NACC2: variants seen among roughly 807,000 people sequenced by gnomAD.
The protein encoded by NACC2 is nucleus accumbens-associated protein 2.
Under a neutral mutation model 25.1 loss-of-function variants are expected in NACC2, and 8 were observed. The observed-to-expected ratio is 0.32, with a 90% confidence interval of 0.19 to 0.57. The LOEUF (loss-of-function observed/expected upper bound fraction) is 0.57, where lower values mean the gene tolerates loss of function less well. Among genes scored for constraint, NACC2 ranks in the 20% least tolerant of loss-of-function variants. The pLI, the probability that NACC2 is intolerant of heterozygous loss-of-function variation, is 0.89. For synonymous variants in NACC2, 435 were observed against 294.7 expected (o/e 1.48, Z -4.88); for missense variants, 644 against 650.2 (o/e 0.99, Z 0.10).
At chr9:136,057,661 C>G (rs1354661028) in intron 1 of NACC2, among the ~76,000 whole-genome samples, 1 of 152,266 alleles carries the variant, frequency 6.6e-6, no homozygotes. Flanking sequence ...CCTCCTCCCC[C>G]AGGGCTGCAG....
chr9:136,047,899 C>T (rs1840753831), intron 2 of NACC2, among the ~76,000 whole-genome samples: 1 of 152,184 alleles, frequency 6.6e-6, no homozygotes, highest in Non-Finnish European at 1.5e-5. Context: ...TCCCAGCAAA[C>T]CCGACACCCA....
chr9:136,093,073 C>T (rs1054939928), intron 1 of NACC2, among the ~76,000 whole-genome samples: 3 of 152,168 alleles, frequency 2.0e-5, no homozygotes, highest in Non-Finnish European at 2.9e-5. Flanking sequence ...AGGTCAGAGG[C>T]ACAGACCTCA....
intron 1 of NACC2, among the ~76,000 whole-genome samples, chr9:136,090,581 T>G (rs1324343243): frequency 6.6e-6 from 1 of 152,196 alleles, no homozygotes; most frequent in South Asian, 2.1e-4. Flanking sequence ...ACGCCCTCCA[T>G]GAGGGACCCC....
chr9:136,012,078 C>G, intron 5 of NACC2, 54 bp from the exon 6 acceptor site: 1 of 1,464,174 alleles, frequency 6.8e-7, no homozygotes, highest in Non-Finnish European at 9.0e-7. Flanking sequence ...GAGGCCCGCC[C>G]CTCCCCAAGG....
At chr9:136,058,138 C>T (rs1840954834) in intron 1 of NACC2, among the ~76,000 whole-genome samples, 1 of 152,230 alleles carries the variant, frequency 6.6e-6, no homozygotes, top group African/African-American at 2.4e-5. Context: ...GAGCCACACG[C>T]CTCTAGGCCC....
At position 136,031,986 on chromosome 9, in the gene NACC2, T is replaced by C. The variant is rs551673893; in HGVS notation, c.887-15557A>G. 1.9e-4 allele frequency among the ~76,000 whole-genome samples: 29 copies of C among 151,724 alleles called. No homozygotes were observed. The East Asian group carries it at 5.4e-3, about 28-fold the overall frequency. On this transcript the variant is annotated intron_variant, in intron 2 of 5. Coordinates refer to ENST00000277554, the MANE Select transcript of NACC2 (RefSeq NM_144653.5). ...GCTAGGGCCTGGTGCTCTGCATAAA[T>C]GAATGGGGGGCAAGGGTCGTCCTCG...
chr9:136,007,535 G>GCA lies in NACC2; in HGVS notation c.*3979_*3980dup, dbSNP rs149187611. 0.7 allele frequency: 103,420 copies of GCA among 148,378 alleles called. 36,212 individuals are homozygous for GCA. Among genetic ancestry groups the GCA allele is most frequent in the Non-Finnish European group, 0.78 (51,574 of 66,090 alleles). The allele number at this position is 148,378 out of a possible 1,614,324, so 9.2% of individuals were successfully genotyped here. A position where few individuals can be genotyped will look rare whatever the true frequency, so the allele number is the denominator to read the frequency against. On this transcript the variant is annotated 3_prime_UTR_variant, in exon 6 of 6. Coordinates refer to ENST00000277554, the MANE Select transcript of NACC2 (RefSeq NM_144653.5). ...CGCGCACACACAGACGCACAGACGTGCACACACAGACACGCACACACACAC... is the reference window on the plus strand; with the variant it reads ...CGCGCACACACAGACGCACAGACGTGCACACACACAGACACGCACACACACAC...
chr9:136,042,100 C>T (rs967053571), intron 2 of NACC2, among the ~76,000 whole-genome samples: 49 of 152,192 alleles, frequency 3.2e-4, no homozygotes, highest in Middle Eastern at 6.8e-3. Context: ...GGGATTCTCT[C>T]GCCTCAGCCT....
intron 1 of NACC2, among the ~76,000 whole-genome samples, chr9:136,076,100 G>A (rs4841910): frequency 0.26 from 39,316 of 152,070 alleles, 5,436 homozygotes; most frequent in East Asian, 0.41. Flanking sequence ...CACCCTTCGC[G>A]GCCTCTGCCT....
intron 1 of NACC2, among the ~76,000 whole-genome samples, chr9:136,089,121 G>T (rs1053208545): frequency 6.6e-6 from 1 of 152,168 alleles, no homozygotes; most frequent in African/African-American, 2.4e-5. Context: ...TCAGTTACGC[G>T]GTTACGTTTG....
chr9:136,081,873 C>T (rs1830327962), intron 1 of NACC2, among the ~76,000 whole-genome samples: 1 of 151,610 alleles, frequency 6.6e-6, no homozygotes, highest in Non-Finnish European at 1.5e-5. Flanking sequence ...CCCCGCCCAC[C>T]GGACCCCTGC....
Position 136,011,584 on chromosome 9 carries a change from G to T in NACC2, c.1696C>A (p.Pro566Thr). 1 of 1,402,732 alleles carries T rather than the reference G, an allele frequency of 7.1e-7. No individual in the cohort carries two copies. Among genetic ancestry groups the T allele is most frequent in the Middle Eastern group, 2.4e-4 (1 of 4,220 alleles). The allele number at this position is 1,402,732 out of a possible 1,614,324, so 86.9% of individuals were successfully genotyped here. A position where few individuals can be genotyped will look rare whatever the true frequency, so the allele number is the denominator to read the frequency against. The change falls in exon 6 of 6, where the codon CCC (proline) becomes ACC (threonine). Residue 566 changes from proline to threonine, a missense_variant. Coordinates refer to ENST00000277554, the MANE Select transcript of NACC2 (RefSeq NM_144653.5). ...PQPFEQGGGG[P>T]SRPQTPAAAA... ...GCCGCCGGCGTCTGGGGCCTGCTGG[G>T]GCCGCCCCCGCCCTGCTCAAAGGGC...
chr9:136,015,588 G>A (rs1390167835), intron 3 of NACC2, among the ~76,000 whole-genome samples: 3 of 152,198 alleles, frequency 2.0e-5, no homozygotes, highest in African/African-American at 7.2e-5. Flanking sequence ...GGGTGGACAG[G>A]AACAGGACAG....
rs1055672527 is a variant in NACC2 at position 136,041,946 on chromosome 9, C to T, written c.886+7690G>A. Among the ~76,000 whole-genome samples, 410 of 152,260 alleles carry T rather than the reference C, an allele frequency of 2.7e-3. 1 individual carries two copies. The highest frequency in any genetic ancestry group is 9.3e-3 in the African/African-American group (386 of 41,538). On this transcript the variant is annotated intron_variant, in intron 2 of 5. Transcript: ENST00000277554. ...CAACATCGATCAACATTTTAGTAATCTTTTAGTTAGAGATCAGCAAACAGC... is the reference window on the plus strand; with the variant it reads ...CAACATCGATCAACATTTTAGTAATTTTTTAGTTAGAGATCAGCAAACAGC...
chr9:136,046,609 T>C (rs553714175), intron 2 of NACC2, among the ~76,000 whole-genome samples: 40 of 152,304 alleles, frequency 2.6e-4, no homozygotes, highest in Non-Finnish European at 4.6e-4. Flanking sequence ...TGGGGGGGCT[T>C]GAACTCGGCC....
intron 1 of NACC2, among the ~76,000 whole-genome samples, chr9:136,063,069 CGTT>C (rs1359796226): frequency 6.6e-6 from 1 of 152,176 alleles, no homozygotes; most frequent in Non-Finnish European, 1.5e-5. Flanking sequence ...TTTTTGTTCT[CGTT>C]GTTGTTGTTG....
chr9:136,052,646 C>T (rs1006883546), intron 1 of NACC2, among the ~76,000 whole-genome samples: 3 of 152,172 alleles, frequency 2.0e-5, no homozygotes, highest in African/African-American at 7.2e-5. Flanking sequence ...CCACTCCCAG[C>T]GCCCTCCTGG....
intron 1 of NACC2, among the ~76,000 whole-genome samples, chr9:136,061,252 G>A (rs897737585): frequency 6.6e-6 from 1 of 152,192 alleles, no homozygotes; most frequent in Non-Finnish European, 1.5e-5. Flanking sequence ...TGACACCCCA[G>A]CTGGAGTGGT....
At chr9:136,088,082 C>T (rs1830397805) in intron 1 of NACC2, among the ~76,000 whole-genome samples, 1 of 152,338 alleles carries the variant, frequency 6.6e-6, no homozygotes. Context: ...GCACGGAGGT[C>T]AGCAGTATTC....
Sources: gnomAD v4.1 joint callset for allele counts (sites outside exome capture counted in the v4.1 genomes callset) on GRCh38, gnomAD v4.1.1 for gene constraint, MANE v1.5 for transcripts, NCBI Gene and HGNC (gene_info 2026-07-23, HGNC 2026-07-21) for gene names.